Variants in SHISA9 observed in about 807,000 individuals in gnomAD.
The protein encoded by SHISA9 is shisa family member 9.
SHISA9 carries 13 observed loss-of-function variants against 38.0 expected under a neutral mutation model. The observed-to-expected ratio is 0.34, with a 90% CI of 0.22 to 0.54. The LOEUF (loss-of-function observed/expected upper bound fraction) is 0.54, where lower values mean the gene tolerates loss of function less well. SHISA9 is among the 20% of genes least tolerant of loss of function. The probability of loss-of-function intolerance (pLI) is 0.91; values close to 1 mark genes in which losing one functional copy is unlikely to be tolerated. For missense variants in SHISA9, 538 were observed against 575.8 expected (o/e 0.93, Z 0.67); for synonymous variants, 275 against 242.0 (o/e 1.14, Z -1.27).
chr16:13,118,971 A>T (rs2141975589), intron 2 of SHISA9, among the ~76,000 whole-genome samples: 1 of 152,004 alleles, frequency 6.6e-6, no homozygotes, highest in Admixed American at 6.5e-5. Flanking sequence ...ACCTCAGGTG[A>T]TCCACTCACC....
chr16:13,319,844 G>A, the SHISA9 span, among the ~76,000 whole-genome samples: 3 of 151,732 alleles, frequency 2.0e-5, no homozygotes, highest in East Asian at 5.8e-4. Context: ...AACGCATGTG[G>A]CTTTTCCAGC....
At chr16:13,219,270 G>T (rs544735916) in intron 4 of SHISA9, among the ~76,000 whole-genome samples, 1 of 152,188 alleles carries the variant, frequency 6.6e-6, no homozygotes, top group Non-Finnish European at 1.5e-5. Flanking sequence ...GCCATCTTGC[G>T]TGACACTCAC....
chr16:13,209,385 A>G (rs2051097063), intron 3 of SHISA9, among the ~76,000 whole-genome samples: 1 of 152,196 alleles, frequency 6.6e-6, no homozygotes, highest in African/African-American at 2.4e-5. Context: ...TGATAAAACA[A>G]GCAGGCAAGC....
At chr16:13,079,657 T>C (rs2073625004) in intron 2 of SHISA9, among the ~76,000 whole-genome samples, 2 of 152,234 alleles carry the variant, frequency 1.3e-5, no homozygotes, top group Admixed American at 6.5e-5. Context: ...CTCTGTTTGA[T>C]GGCATTTGCA....
intron 2 of SHISA9, among the ~76,000 whole-genome samples, chr16:13,123,836 A>T (rs75183268): frequency 0.014 from 2,208 of 152,326 alleles, 59 homozygotes; most frequent in African/African-American, 0.051. Flanking sequence ...TCCATCATGT[A>T]TGAGCTGTGG....
At chr16:12,980,621 T>A (rs1201351308) in intron 2 of SHISA9, among the ~76,000 whole-genome samples, 1 of 152,048 alleles carries the variant, frequency 6.6e-6, no homozygotes, top group Non-Finnish European at 1.5e-5. Flanking sequence ...TCTGAGAAAT[T>A]TGTACTCATT....
chr16:13,189,420 G>A (rs1327379809), intron 2 of SHISA9, among the ~76,000 whole-genome samples: 2 of 152,198 alleles, frequency 1.3e-5, no homozygotes, highest in Non-Finnish European at 2.9e-5. Context: ...ACCTGGCATC[G>A]AATCCTGATG....
At chr16:13,274,334 T>C in the SHISA9 span, among the ~76,000 whole-genome samples, 11 of 152,158 alleles carry the variant, frequency 7.2e-5, no homozygotes, top group Admixed American at 7.2e-4. Context: ...ATATACAAGA[T>C]TGTTCTGCTT....
At chr16:13,068,045 G>C (rs2073455000) in intron 2 of SHISA9, among the ~76,000 whole-genome samples, 1 of 152,204 alleles carries the variant, frequency 6.6e-6, no homozygotes, top group South Asian at 2.1e-4. Flanking sequence ...TTGTGGGAGG[G>C]CCAAAGAGCT....
At chr16:13,285,711 T>A in the SHISA9 span, among the ~76,000 whole-genome samples, 1 of 152,150 alleles carries the variant, frequency 6.6e-6, no homozygotes, top group African/African-American at 2.4e-5. Context: ...AAATGTCAGA[T>A]AAAGCCAAGG....
chr16:12,905,266 A>G (rs1419933618), intron 1 of SHISA9, among the ~76,000 whole-genome samples: 1 of 152,210 alleles, frequency 6.6e-6, no homozygotes, highest in African/African-American at 2.4e-5. Context: ...AAGATCACAC[A>G]GTTAGGAAAT....
chr16:13,289,737 G>T, the SHISA9 span, among the ~76,000 whole-genome samples: 1 of 151,996 alleles, frequency 6.6e-6, no homozygotes, highest in Admixed American at 6.6e-5. Flanking sequence ...ATTAATTTCT[G>T]GGAGCATTGA....
chr16:13,394,932 T>G, the SHISA9 span, among the ~76,000 whole-genome samples: 7 of 120,290 alleles, frequency 5.8e-5, no homozygotes, highest in African/African-American at 1.9e-4. Flanking sequence ...ATCTGGGGTG[T>G]GTGTGTGTGT....
Position 12,902,106 on chromosome 16 carries a change from C to A in SHISA9, c.42C>A (p.Thr14=), listed in dbSNP as rs1444651086. ...VLRLLLGCFL[T]ELCARVCRAQ... ...GGCTGCTCCTCGGTTGCTTCCTCAC[C>A]GAGCTGTGCGCCCGCGTGTGCCGGG... Residue 14 remains threonine (T), a synonymous_variant, in exon 1 of 5, where the codon ACC becomes ACA. Transcript: ENST00000558583. 2.7e-6 allele frequency: 4 copies of A among 1,498,880 alleles called. No individual in the cohort carries two copies. Among genetic ancestry groups the A allele is most frequent in the Non-Finnish European group, 3.5e-6 (4 of 1,132,674 alleles). 92.8% of individuals were successfully genotyped at this position (1,498,880 alleles called of 1,614,324 possible). A position where few individuals can be genotyped will look rare whatever the true frequency, so the allele number is the denominator to read the frequency against.
chr16:13,309,603 A>G, the SHISA9 span, among the ~76,000 whole-genome samples: 2 of 148,240 alleles, frequency 1.3e-5, no homozygotes, highest in Middle Eastern at 7.1e-3. Flanking sequence ...AGATCACGCC[A>G]CTGTACTCCA....
At chr16:13,019,191 G>C (rs2072792601) in intron 2 of SHISA9, among the ~76,000 whole-genome samples, 1 of 152,014 alleles carries the variant, frequency 6.6e-6, no homozygotes, top group Admixed American at 6.6e-5. Context: ...GTAGAGATGG[G>C]GTTTCACCAT....
chr16:13,294,449 A>G, the SHISA9 span, among the ~76,000 whole-genome samples: 1 of 152,186 alleles, frequency 6.6e-6, no homozygotes, highest in Non-Finnish European at 1.5e-5. Context: ...CCTTCTCAAT[A>G]GTGATGCAGA....
downstream of SHISA9, among the ~76,000 whole-genome samples, chr16:13,244,762 T>C (rs2051459920): frequency 6.6e-6 from 1 of 152,202 alleles, no homozygotes; most frequent in Admixed American, 6.5e-5. Context: ...TTTCAACTAA[T>C]GCAATAAATA....
At chr16:13,482,296 A>T in the SHISA9 span, among the ~76,000 whole-genome samples, 1 of 152,228 alleles carries the variant, frequency 6.6e-6, no homozygotes, top group Non-Finnish European at 1.5e-5. Context: ...AGCCTTCTCC[A>T]TACAATTACC....
Sources: allele counts gnomAD v4.1 joint callset (sites outside exome capture counted in the v4.1 genomes callset), GRCh38; gene constraint gnomAD v4.1.1; transcripts MANE v1.5; gene names NCBI Gene and HGNC (gene_info 2026-07-23, HGNC 2026-07-21).